The following GNB4 variants were observed in gnomAD, a reference collection of about 807,000 sequenced individuals.
GNB4 encodes guanine nucleotide-binding protein subunit beta-4.
A neutral mutation model predicts 45.2 loss-of-function variants in GNB4; 28 were observed. The observed-to-expected ratio is 0.62, with a 90% CI of 0.46 to 0.85. The LOEUF is 0.85. Ranked by LOEUF, GNB4 falls within the 40% of genes least tolerant of loss-of-function variation. The pLI, the probability that GNB4 is intolerant of heterozygous loss-of-function variation, is 0.00. For synonymous variants in GNB4, 132 were observed against 143.7 expected (o/e 0.92, Z 0.58); for missense variants, 321 against 425.4 (o/e 0.75, Z 2.16).
At chr3:179,459,405 G>A in the GNB4 span, among the ~76,000 whole-genome samples, 2 of 152,162 alleles carry the variant, frequency 1.3e-5, no homozygotes, top group African/African-American at 2.4e-5. Context: ...CCTTCCGGCC[G>A]GGCGCAGTGC....
intron 1 of GNB4, among the ~76,000 whole-genome samples, chr3:179,446,822 CT>C: frequency 6.6e-6 from 1 of 152,316 alleles, no homozygotes; most frequent in South Asian, 2.1e-4. Context: ...TGGAAACCGT[CT>C]TCTCCATTTG....
intron 1 of GNB4, among the ~76,000 whole-genome samples, chr3:179,428,983 G>C (rs1715226052): frequency 6.6e-6 from 1 of 152,188 alleles, no homozygotes; most frequent in African/African-American, 2.4e-5. Context: ...ATAGAAATGG[G>C]AAACAAAGAA....
the GNB4 span, among the ~76,000 whole-genome samples, chr3:179,520,495 C>T: frequency 1.8e-3 from 272 of 152,254 alleles, no homozygotes; most frequent in African/African-American, 5.7e-3. Flanking sequence ...CTAGCCCTCA[C>T]GTCAGTGTGC....
At chr3:179,418,692 T>A (rs79074433) in intron 4 of GNB4, among the ~76,000 whole-genome samples, 1 of 152,210 alleles carries the variant, frequency 6.6e-6, no homozygotes, top group Non-Finnish European at 1.5e-5. Context: ...TATTAAAACA[T>A]AGAAGTTTCT....
rs537054936 is a variant in GNB4 at position 179,396,724 on chromosome 3, G to A, written c.*4489C>T. The A allele has an allele frequency of 3.8e-5, 5 of 130,806 alleles. No homozygotes were observed. Among genetic ancestry groups the A allele is most frequent in the Non-Finnish European group, 6.4e-5 (4 of 62,500 alleles). The allele number at this position is 130,806 out of a possible 1,614,324, so 8.1% of individuals were successfully genotyped here. ...CATGCAAACATTTGCTAAATACAAGGTGTACCATCAATGTGTGATTAATTA... is the reference window on the plus strand; with the variant it reads ...CATGCAAACATTTGCTAAATACAAGATGTACCATCAATGTGTGATTAATTA... On this transcript the variant is annotated 3_prime_UTR_variant, in exon 10 of 10. Coordinates refer to ENST00000232564, the MANE Select transcript of GNB4 (RefSeq NM_021629.4).
the GNB4 span, among the ~76,000 whole-genome samples, chr3:179,468,031 T>TTAAAAAAAA: frequency 5.4e-3 from 362 of 67,228 alleles, 10 homozygotes; most frequent in African/African-American, 0.021. Context: ...ATTTTGTTGA[T>TTAAAAAAAA]AAAAATATAT....
At chr3:179,447,399 A>G (rs1457662221) in intron 1 of GNB4, among the ~76,000 whole-genome samples, 10 of 150,644 alleles carry the variant, frequency 6.6e-5, no homozygotes, top group Admixed American at 4.7e-4. Context: ...GTCTCACTCT[A>G]TTGCCCAGGC....
At chr3:179,488,113 G>C in the GNB4 span, among the ~76,000 whole-genome samples, 249 of 151,726 alleles carry the variant, frequency 1.6e-3, no homozygotes, top group African/African-American at 5.3e-3. Flanking sequence ...TGATCCTCCT[G>C]TTCCAAAAGC....
At chr3:179,523,156 G>A in the GNB4 span, among the ~76,000 whole-genome samples, 2 of 152,172 alleles carry the variant, frequency 1.3e-5, no homozygotes. Context: ...AGGGGTTGGG[G>A]CTTGGGAGAT....
the GNB4 span, among the ~76,000 whole-genome samples, chr3:179,487,779 G>C: frequency 6.6e-6 from 1 of 152,092 alleles, no homozygotes; most frequent in South Asian, 2.1e-4. Context: ...GGCCAGGTGC[G>C]TTGGCTCACA....
chr3:179,521,844 T>C, the GNB4 span, among the ~76,000 whole-genome samples: 16 of 152,082 alleles, frequency 1.1e-4, no homozygotes, highest in Non-Finnish European at 2.1e-4. Context: ...CCATCACCAA[T>C]CATTCTATAT....
intron 1 of GNB4, among the ~76,000 whole-genome samples, chr3:179,434,490 G>A (rs1559979191): frequency 6.6e-6 from 1 of 152,114 alleles, no homozygotes; most frequent in Admixed American, 6.5e-5. Context: ...AGAGGCTGAG[G>A]TGGGAAGATC....
chr3:179,419,352 A>G (rs781083921), intron 4 of GNB4, 47 bp downstream of exon 4: 50 of 1,122,774 alleles, frequency 4.5e-5, no homozygotes, highest in Middle Eastern at 1.9e-4. Flanking sequence ...CTTAATGAAA[A>G]TAATTCTGCA....
the GNB4 span, among the ~76,000 whole-genome samples, chr3:179,478,389 C>T: frequency 1.3e-5 from 2 of 152,194 alleles, no homozygotes; most frequent in Non-Finnish European, 2.9e-5. Context: ...AACATTTCAT[C>T]TGCCTGATCC....
At chr3:179,413,640 C>A (rs1423540782) in intron 7 of GNB4, 27 bp from the exon 8 acceptor site, 2 of 1,612,892 alleles carry the variant, frequency 1.2e-6, no homozygotes, top group East Asian at 4.5e-5. Context: ...AATTTCATGA[C>A]AATTACTTCT....
chr3:179,397,106 T>C lies in GNB4; in HGVS notation c.*4107A>G, dbSNP rs551025228. 2 of 152,224 alleles carry C rather than the reference T, an allele frequency of 1.3e-5. No homozygotes were observed. Among genetic ancestry groups the C allele is most frequent in the Non-Finnish European group, 2.9e-5 (2 of 68,036 alleles). 9.4% of individuals were successfully genotyped at this position (152,224 alleles called of 1,614,324 possible). The stretch of plus-strand genomic sequence containing the variant: ...TTCAGCCTGACTCCGACCCTGAAGA[T>C]TTCAGAAAGAACATCGTCACTATTA... On this transcript the variant is annotated 3_prime_UTR_variant, in exon 10 of 10. Transcript: ENST00000232564.
chr3:179,503,267 G>A, the GNB4 span, among the ~76,000 whole-genome samples: 1 of 152,268 alleles, frequency 6.6e-6, no homozygotes, highest in South Asian at 2.1e-4. Context: ...ACTGATTTCT[G>A]AAACTTACTT....
upstream of GNB4, among the ~76,000 whole-genome samples, chr3:179,456,425 C>A (rs1339828180): frequency 6.6e-6 from 1 of 152,220 alleles, no homozygotes; most frequent in Non-Finnish European, 1.5e-5. Flanking sequence ...GAGAATCCAA[C>A]AATCTAAGAT....
chr3:179,480,595 C>T, the GNB4 span, among the ~76,000 whole-genome samples: 1 of 152,144 alleles, frequency 6.6e-6, no homozygotes, highest in Non-Finnish European at 1.5e-5. Context: ...CACTTCACCC[C>T]CCAACCCCAT....
Sources: gnomAD v4.1 joint callset for allele counts (sites outside exome capture counted in the v4.1 genomes callset) on GRCh38, gnomAD v4.1.1 for gene constraint, MANE v1.5 for transcripts, NCBI Gene and HGNC (gene_info 2026-07-23, HGNC 2026-07-21) for gene names.